EGFLAM: variants seen among roughly 807,000 people sequenced by gnomAD.
The protein encoded by EGFLAM is EGF like, fibronectin type III and laminin G domains.
EGFLAM carries 79 observed loss-of-function variants against 113.1 expected under a neutral mutation model. That is an observed-to-expected ratio of 0.70 (90% CI 0.58 to 0.84). EGFLAM has a LOEUF of 0.84. EGFLAM is among the 40% of genes least tolerant of loss of function. The probability of loss-of-function intolerance (pLI) is 0.00; values close to 1 mark genes in which losing one functional copy is unlikely to be tolerated. For missense variants in EGFLAM, 1,265 were observed against 1,291.6 expected (o/e 0.98, Z 0.32); for synonymous variants, 504 against 487.6 (o/e 1.03, Z -0.44).
At chr5:38,294,546 G>A (rs1379564973) in intron 1 of EGFLAM, among the ~76,000 whole-genome samples, 1 of 152,026 alleles carries the variant, frequency 6.6e-6, no homozygotes, top group Non-Finnish European at 1.5e-5. Context: ...CACAGGTGTT[G>A]TATAATTTTA....
intron 12 of EGFLAM, among the ~76,000 whole-genome samples, chr5:38,421,429 C>G (rs1022416602): frequency 1.6e-4 from 25 of 152,228 alleles, no homozygotes; most frequent in African/African-American, 5.8e-4. Context: ...CACAGAGCCA[C>G]TTCCCAGGGT....
intron 1 of EGFLAM, among the ~76,000 whole-genome samples, chr5:38,265,100 G>A (rs1015464803): frequency 5.9e-5 from 9 of 152,296 alleles, no homozygotes; most frequent in East Asian, 3.9e-4. Flanking sequence ...TTGTTTTTCC[G>A]AATTCTTTCT....
At chr5:38,414,643 T>G (rs1741584611) in intron 11 of EGFLAM, among the ~76,000 whole-genome samples, 1 of 152,106 alleles carries the variant, frequency 6.6e-6, no homozygotes, top group South Asian at 2.1e-4. Context: ...TGCAGACAAA[T>G]TGGAGCAGTT....
intron 1 of EGFLAM, among the ~76,000 whole-genome samples, chr5:38,278,306 A>C (rs547808023): frequency 6.6e-6 from 1 of 152,318 alleles, no homozygotes; most frequent in East Asian, 1.9e-4. Context: ...TAGTGTATTC[A>C]GTAAATATGC....
chr5:38,296,410 T>G (rs940176816), intron 1 of EGFLAM, among the ~76,000 whole-genome samples: 1 of 152,188 alleles, frequency 6.6e-6, no homozygotes, highest in Non-Finnish European at 1.5e-5. Flanking sequence ...CTGAAGTCCA[T>G]GCTGTTTCAT....
chr5:38,421,273 T>G (rs1234476185), intron 12 of EGFLAM, among the ~76,000 whole-genome samples: 2 of 152,230 alleles, frequency 1.3e-5, no homozygotes, highest in Non-Finnish European at 2.9e-5. Flanking sequence ...GCAAGTCACA[T>G]TCTAGAATAG....
At chr5:38,314,738 GTGGTGACTTGT>G (rs1324353115) in intron 1 of EGFLAM, among the ~76,000 whole-genome samples, 4 of 152,212 alleles carry the variant, frequency 2.6e-5, no homozygotes, top group Non-Finnish European at 5.9e-5. Flanking sequence ...TTAATCCATA[GTGGTGACTTGT>G]TGAACTCAGG....
At chr5:38,440,017 T>A (rs1218047624) in intron 17 of EGFLAM, among the ~76,000 whole-genome samples, 1 of 152,222 alleles carries the variant, frequency 6.6e-6, no homozygotes, top group African/African-American at 2.4e-5. Context: ...AGAACATTAG[T>A]CGTAACAGGG....
intron 1 of EGFLAM, among the ~76,000 whole-genome samples, chr5:38,289,787 A>C (rs1758267310): frequency 6.6e-6 from 1 of 152,210 alleles, no homozygotes; most frequent in Non-Finnish European, 1.5e-5. Context: ...CCTGCATTCA[A>C]GACTAAGTTT....
chr5:38,334,570 A>G (rs1214045436), intron 1 of EGFLAM, among the ~76,000 whole-genome samples: 2 of 152,226 alleles, frequency 1.3e-5, no homozygotes, highest in African/African-American at 4.8e-5. Flanking sequence ...AGAGTTTAAC[A>G]TATGAATTTT....
chr5:38,315,000 C>T (rs1738553755), intron 1 of EGFLAM, among the ~76,000 whole-genome samples: 1 of 152,198 alleles, frequency 6.6e-6, no homozygotes, highest in Admixed American at 6.5e-5. Flanking sequence ...GGGTCATTTG[C>T]TATAATAGCC....
At chr5:38,438,555 G>T in intron 17 of EGFLAM, 100 bp downstream of exon 17, 3 of 1,180,696 alleles carry the variant, frequency 2.5e-6, no homozygotes, top group Non-Finnish European at 3.4e-6. Flanking sequence ...TGTAACAGTG[G>T]TACAACCATA....
chr5:38,348,776 C>G (rs554871270), intron 3 of EGFLAM, among the ~76,000 whole-genome samples: 1 of 151,854 alleles, frequency 6.6e-6, no homozygotes, highest in East Asian at 1.9e-4. Context: ...ACAGAAGGAT[C>G]TGGTAGATAC....
intron 1 of EGFLAM, among the ~76,000 whole-genome samples, chr5:38,298,136 A>G (rs1758490334): frequency 6.6e-6 from 1 of 152,150 alleles, no homozygotes; most frequent in South Asian, 2.1e-4. Context: ...TGCTCAGAGC[A>G]GGGGGGAGAT....
chr5:38,337,027 A>G (rs1215151063), intron 1 of EGFLAM, among the ~76,000 whole-genome samples: 4 of 152,240 alleles, frequency 2.6e-5, no homozygotes, highest in African/African-American at 4.8e-5. Context: ...TAGATAGTAA[A>G]GCATTTGAAA....
intron 1 of EGFLAM, chr5:38,305,503 A>G (rs1475420992): frequency 2.2e-6 from 1 of 454,004 alleles, no homozygotes; most frequent in Non-Finnish European, 4.4e-6. Flanking sequence ...TGCAGGAAAC[A>G]GAAGATCCAA....
intron 1 of EGFLAM, among the ~76,000 whole-genome samples, chr5:38,287,560 T>C (rs960879729): frequency 2.0e-5 from 3 of 152,328 alleles, no homozygotes; most frequent in Middle Eastern, 3.4e-3. Flanking sequence ...TTTGTACAGA[T>C]TGGGCTTCGC....
At chr5:38,425,787 G>A (rs1741985511) in intron 13 of EGFLAM, among the ~76,000 whole-genome samples, 2 of 152,214 alleles carry the variant, frequency 1.3e-5, no homozygotes, top group Admixed American at 6.5e-5. Context: ...AGCCTTTAAA[G>A]CTCAGGCTCA....
intron 10 of EGFLAM, among the ~76,000 whole-genome samples, chr5:38,410,463 GACTGCATCTC>G (rs1390919309): frequency 6.6e-6 from 1 of 152,170 alleles, no homozygotes; most frequent in African/African-American, 2.4e-5. Context: ...AATGCCTCTT[GACTGCATCTC>G]ACTTCACTGA....
Sources: allele counts gnomAD v4.1 joint callset (sites outside exome capture counted in the v4.1 genomes callset), GRCh38; gene constraint gnomAD v4.1.1; transcripts MANE v1.5; gene names NCBI Gene and HGNC (gene_info 2026-07-23, HGNC 2026-07-21).